EXOC6B: variants seen among roughly 807,000 people sequenced by gnomAD.
EXOC6B encodes the protein exocyst complex component 6B.
EXOC6B carries 54 observed loss-of-function variants against 113.5 expected under a neutral mutation model. The observed-to-expected ratio is 0.48, with a 90% CI of 0.38 to 0.60. The LOEUF (loss-of-function observed/expected upper bound fraction) is 0.60. Ranked by LOEUF, EXOC6B falls within the 20% of genes least tolerant of loss-of-function variation. The pLI is 0.00. For synonymous variants in EXOC6B, 357 were observed against 339.0 expected (o/e 1.05, Z -0.58); for missense variants, 797 against 977.5 (o/e 0.82, Z 2.46).
At chr2:72,515,858 T>C (rs1558753227) in intron 8 of EXOC6B, 3 of 443,188 alleles carry the variant, frequency 6.8e-6, no homozygotes, top group Non-Finnish European at 9.0e-6. Flanking sequence ...TGTGATCCTA[T>C]CAGTGGAGGG....
chr2:72,569,311 C>T (rs7604083), intron 7 of EXOC6B, among the ~76,000 whole-genome samples: 36,692 of 141,082 alleles, frequency 0.26, 7,843 homozygotes, highest in African/African-American at 0.58. Context: ...AGGACTATTA[C>T]TTATTTTTAC....
intron 6 of EXOC6B, among the ~76,000 whole-genome samples, chr2:72,689,354 A>AGTC (rs1207475261): frequency 2.0e-5 from 3 of 152,168 alleles, no homozygotes; most frequent in African/African-American, 7.2e-5. Flanking sequence ...GTTAAACCTC[A>AGTC]GTCTCCACTC....
intron 19 of EXOC6B, among the ~76,000 whole-genome samples, chr2:72,338,119 C>T (rs989894997): frequency 3.3e-5 from 5 of 152,118 alleles, no homozygotes; most frequent in African/African-American, 1.2e-4. Flanking sequence ...CCCAGCTTTC[C>T]ACTTAGTAGC....
intron 20 of EXOC6B, among the ~76,000 whole-genome samples, chr2:72,332,877 A>G (rs754337945): frequency 3.3e-5 from 5 of 152,146 alleles, no homozygotes; most frequent in Non-Finnish European, 7.4e-5. Context: ...GAGAATGACT[A>G]AGATGAACTG....
intron 7 of EXOC6B, among the ~76,000 whole-genome samples, chr2:72,560,438 T>C (rs1703827349): frequency 6.6e-6 from 1 of 152,112 alleles, no homozygotes; most frequent in Admixed American, 6.5e-5. Context: ...ATATAATTCA[T>C]CAGAATATAA....
chr2:72,673,759 ATTT>A (rs1220310619), intron 6 of EXOC6B, among the ~76,000 whole-genome samples: 2 of 149,230 alleles, frequency 1.3e-5, no homozygotes, highest in African/African-American at 4.9e-5. Context: ...TTATTTTATT[ATTT>A]TTTATTTTAT....
At chr2:72,310,006 G>A (rs1687093273) in intron 20 of EXOC6B, among the ~76,000 whole-genome samples, 1 of 152,082 alleles carries the variant, frequency 6.6e-6, no homozygotes. Context: ...CCATTGTAGA[G>A]ATGTTCCACA....
chr2:72,658,217 C>T (rs535532156), intron 6 of EXOC6B, among the ~76,000 whole-genome samples: 23 of 79,998 alleles, frequency 2.9e-4, no homozygotes, highest in Non-Finnish European at 3.6e-4. Context: ...ACAGAAGAAA[C>T]AGGAAAGGAA....
chr2:72,603,985 C>G (rs1315785674), intron 6 of EXOC6B, among the ~76,000 whole-genome samples: 2 of 151,834 alleles, frequency 1.3e-5, no homozygotes. Flanking sequence ...AACTGGAATC[C>G]TGATATGCTA....
rs145462477 is a variant in EXOC6B at position 72,284,067 on chromosome 2, T to C, written c.2196+50880A>G. On this transcript the variant is annotated intron_variant, in intron 20 of 21. Coordinates refer to ENST00000272427, the MANE Select transcript of EXOC6B (RefSeq NM_015189.3). ...TACCAAATATTTAAGGACAAAATTATAGGAATTATTTACAAAATCTTTCAA... is the reference window on the plus strand; with the variant it reads ...TACCAAATATTTAAGGACAAAATTACAGGAATTATTTACAAAATCTTTCAA... Among the ~76,000 whole-genome samples, 15 of 152,262 alleles carry C rather than the reference T, an allele frequency of 9.9e-5. No individual in the cohort carries two copies. The East Asian group carries it at 2.5e-3, about 25-fold the overall frequency.
At chr2:72,294,813 T>C (rs941859024) in intron 20 of EXOC6B, among the ~76,000 whole-genome samples, 2 of 152,192 alleles carry the variant, frequency 1.3e-5, no homozygotes, top group African/African-American at 4.8e-5. Context: ...TATTCCACAC[T>C]TCTTCTCATT....
At chr2:72,713,777 A>G (rs1447552537) in intron 6 of EXOC6B, among the ~76,000 whole-genome samples, 1 of 152,198 alleles carries the variant, frequency 6.6e-6, no homozygotes, top group Non-Finnish European at 1.5e-5. Context: ...TGATGAAAAG[A>G]TAAGATTGTG....
At chr2:72,648,992 T>C (rs547219042) in intron 6 of EXOC6B, among the ~76,000 whole-genome samples, 1 of 152,096 alleles carries the variant, frequency 6.6e-6, no homozygotes, top group South Asian at 2.1e-4. Flanking sequence ...AATTTAAAAT[T>C]AGCCAAGCAT....
intron 21 of EXOC6B, among the ~76,000 whole-genome samples, chr2:72,180,938 G>T (rs907030980): frequency 6.6e-6 from 1 of 152,076 alleles, no homozygotes; most frequent in Non-Finnish European, 1.5e-5. Flanking sequence ...GGCTGGGCGC[G>T]GTAGCTCACG....
intron 17 of EXOC6B, among the ~76,000 whole-genome samples, chr2:72,466,081 A>C (rs1698031722): frequency 6.6e-6 from 1 of 152,172 alleles, no homozygotes; most frequent in African/African-American, 2.4e-5. Context: ...GCAGTGGCTC[A>C]TGCGTGTAAT....
intron 18 of EXOC6B, among the ~76,000 whole-genome samples, chr2:72,453,088 T>A (rs1201767506): frequency 6.6e-6 from 1 of 152,110 alleles, no homozygotes; most frequent in African/African-American, 2.4e-5. Flanking sequence ...GCAAAAAGAG[T>A]ATATGCTTTG....
intron 12 of EXOC6B, 100 bp downstream of exon 12, chr2:72,499,801 T>A: frequency 1.3e-6 from 1 of 759,438 alleles, no homozygotes; most frequent in Non-Finnish European, 2.2e-6. Flanking sequence ...TCCAAAGAAC[T>A]ATGATTACAG....
intron 6 of EXOC6B, among the ~76,000 whole-genome samples, chr2:72,624,082 A>T (rs1483125558): frequency 1.3e-5 from 2 of 152,212 alleles, no homozygotes; most frequent in African/African-American, 4.8e-5. Context: ...AAAATAAAGG[A>T]TGAAGATATG....
chr2:72,753,694 G>A (rs1280062743), intron 1 of EXOC6B, among the ~76,000 whole-genome samples: 1 of 152,132 alleles, frequency 6.6e-6, no homozygotes, highest in African/African-American at 2.4e-5. Flanking sequence ...AGCATAGTAT[G>A]TAAGATGCCC....
Sources: gnomAD v4.1 joint callset for allele counts (sites outside exome capture counted in the v4.1 genomes callset) on GRCh38, gnomAD v4.1.1 for gene constraint, MANE v1.5 for transcripts, NCBI Gene and HGNC (gene_info 2026-07-23, HGNC 2026-07-21) for gene names.